PCDHA5: variants seen among roughly 807,000 people sequenced by gnomAD.
PCDHA5 encodes protocadherin alpha 5.
PCDHA5 carries 43 observed loss-of-function variants against 61.6 expected under a neutral mutation model. The ratio of observed to expected loss-of-function variants is 0.70; its 90% CI spans 0.55 to 0.90. The LOEUF is 0.90. Ranked by LOEUF, PCDHA5 falls within the 40% of genes least tolerant of loss-of-function variation. PCDHA5 has a pLI of 0.00. For missense variants in PCDHA5, 1,298 were observed against 1,222.7 expected, an observed-to-expected ratio of 1.06 and a Z score of -0.92; for synonymous variants, 627 against 543.9, an observed-to-expected ratio of 1.15 and a Z score of -2.13.
chr5:140,980,015 G>A (rs1164072132), intron 2 of PCDHA5, among the ~76,000 whole-genome samples: 2 of 152,192 alleles, frequency 1.3e-5, no homozygotes, highest in East Asian at 3.9e-4. Flanking sequence ...CATTACAAAT[G>A]AGCAGAAATC....
At chr5:140,873,336 C>A (rs1436932142) in intron 1 of PCDHA5, among the ~76,000 whole-genome samples, 1 of 152,168 alleles carries the variant, frequency 6.6e-6, no homozygotes, top group African/African-American at 2.4e-5. Flanking sequence ...ATACATTACT[C>A]ATCTCCAGAT....
chr5:140,882,050 T>A, intron 1 of PCDHA5: 1 of 756,750 alleles, frequency 1.3e-6, no homozygotes, highest in African/African-American at 1.8e-5. Flanking sequence ...GAGTCATACT[T>A]ACACTTACAC....
chr5:140,908,416 G>GGAAT (rs1303787034), intron 1 of PCDHA5, among the ~76,000 whole-genome samples: 1 of 152,152 alleles, frequency 6.6e-6, no homozygotes, highest in African/African-American at 2.4e-5. Flanking sequence ...ATTTGATGAT[G>GGAAT]GAATGCTGCT....
At chr5:140,927,748 G>T (rs782605586) in intron 1 of PCDHA5, 3 of 1,614,206 alleles carry the variant, frequency 1.9e-6, no homozygotes, top group Admixed American at 1.7e-5. Flanking sequence ...CCGCTTTCAC[G>T]TGCACCCTAA....
chr5:140,857,296 G>C (rs2044488261), intron 1 of PCDHA5: 3 of 1,598,562 alleles, frequency 1.9e-6, no homozygotes, highest in Admixed American at 3.4e-5. Flanking sequence ...ACCGCGAGAG[G>C]GTGTCGGCCT....
At chr5:140,868,439 G>A (rs2050456620) in intron 1 of PCDHA5, 2 of 152,256 alleles carry the variant, frequency 1.3e-5, no homozygotes, top group South Asian at 4.2e-4. Flanking sequence ...TAGATCATGT[G>A]GAACATAAAC....
intron 1 of PCDHA5, chr5:140,877,038 G>T (rs782221827): frequency 2.5e-6 from 4 of 1,612,418 alleles, no homozygotes; most frequent in East Asian, 2.2e-5. Flanking sequence ...CGCTGCAGCC[G>T]CTAGACCACG....
At chr5:140,882,940 C>T (rs1554176179) in intron 1 of PCDHA5, 2 of 1,614,208 alleles carry the variant, frequency 1.2e-6, no homozygotes, top group Admixed American at 3.3e-5. Flanking sequence ...AGCTGACTGG[C>T]ACAGTTCAGC....
rs2150125920 is a variant in PCDHA5, at chr5:140,823,452, C to G, written c.1677C>G (p.Asp559Glu). 1 of 1,613,440 alleles carries G rather than the reference C, an allele frequency of 6.2e-7. No individual in the cohort carries two copies. The highest frequency in any genetic ancestry group is 1.1e-5 in the South Asian group (1 of 91,052). Reference protein sequence around the residue: ...TLQVFVLDENDNAPALLVPRV... With the variant: ...TLQVFVLDENENAPALLVPRV... Reference sequence around the variant, plus strand: ...AGGTGTTCGTGCTGGACGAGAACGACAACGCGCCGGCGCTGCTGGTGCCTC... The same window carrying G: ...AGGTGTTCGTGCTGGACGAGAACGAGAACGCGCCGGCGCTGCTGGTGCCTC... The change falls in exon 1 of 4, where the codon GAC (aspartate) becomes GAG (glutamate). Residue 559 changes from aspartate to glutamate, a missense_variant. Physicochemically the swap from Asp to Glu is conservative, Grantham distance 45. Coordinates refer to ENST00000529859, the MANE Select transcript of PCDHA5 (RefSeq NM_018908.3).
chr5:140,836,986 C>A, intron 1 of PCDHA5: 1 of 355,800 alleles, frequency 2.8e-6, no homozygotes, highest in East Asian at 4.9e-5. Context: ...TGGAGGAGGA[C>A]TTTGCTAACT....
rs2150362585 is a variant in PCDHA5 at position 140,843,552 on chromosome 5, C to T, written c.2352+19425C>T. On this transcript the variant is annotated intron_variant, in intron 1 of 3. Transcript: ENST00000529859. ...AAGCCCACTCTGGTGTGCTCCAGTG[C>T]GGTGGGGAGCTGGTCATACTCGCAA... 5.0e-6 allele frequency: 8 copies of T among 1,595,800 alleles called. 2 individuals carry two copies. The highest frequency in any genetic ancestry group is 1.1e-5 in the South Asian group (1 of 90,490).
At chr5:140,830,066 C>T in intron 1 of PCDHA5, 1 of 1,613,706 alleles carries the variant, frequency 6.2e-7, no homozygotes, top group African/African-American at 1.3e-5. Flanking sequence ...TGAGCCGGCG[C>T]TGACAGCGAC....
rs2098331172 is a variant in PCDHA5, at chr5:141,007,465, G to A, written c.2501-2162G>A. Among the ~76,000 whole-genome samples, 5 of 151,906 alleles carry A rather than the reference G, an allele frequency of 3.3e-5. No individual in the cohort carries two copies. The South Asian group carries it at 1.0e-3, about 32-fold the overall frequency. ...TGCCTGTAGTCCCAGCTACTCAGGA[G>A]GCTGAGGCACGAGAATTACTTGGAC... On this transcript the variant is annotated intron_variant, in intron 3 of 3. Transcript: ENST00000529859.
In PCDHA5 at chr5:140,883,729, C is replaced by T. The variant is rs572170960; in HGVS notation, c.2352+59602C>T. 8 of 1,613,520 alleles carry T rather than the reference C, an allele frequency of 5.0e-6. No homozygotes were observed. In the African/African-American group the frequency reaches 8.0e-5, roughly 16 times the overall value. ...CTCAGGACGCGGACGCACAGGAGAA[C>T]GCGCTGGTCTCCTACTCGCTGGTGG... On this transcript the variant is annotated intron_variant, in intron 1 of 3. Coordinates refer to ENST00000529859, the MANE Select transcript of PCDHA5 (RefSeq NM_018908.3).
chr5:140,871,328 G>T (rs374687707), intron 1 of PCDHA5: 4 of 1,614,128 alleles, frequency 2.5e-6, no homozygotes, highest in African/African-American at 1.3e-5. Context: ...GTGTGCTCCC[G>T]CGCGGTGGGG....
intron 3 of PCDHA5, among the ~76,000 whole-genome samples, chr5:140,991,204 A>C (rs1416431011): frequency 6.6e-6 from 1 of 152,198 alleles, no homozygotes; most frequent in East Asian, 1.9e-4. Flanking sequence ...ATGCTCAATA[A>C]ATTTTGTTAA....
At position 140,910,974 on chromosome 5, in the gene PCDHA5, T is replaced by G. The variant is rs114099897; in HGVS notation, c.2353-67975T>G. Among the ~76,000 whole-genome samples the G allele has an allele frequency of 8.0e-3, 1,211 of 152,160 alleles. 6 individuals carry two copies. The highest frequency in any genetic ancestry group is 0.019 in the African/African-American group (781 of 41,520). On this transcript the variant is annotated intron_variant, in intron 1 of 3. Coordinates refer to ENST00000529859, the MANE Select transcript of PCDHA5 (RefSeq NM_018908.3). ...CGAGTGTAGCACACCTCCTCATGGG[T>G]TATACTCTGAACCTCACCCCTAGGG...
At chr5:140,879,141 G>C (rs1413837977) in intron 1 of PCDHA5, among the ~76,000 whole-genome samples, 2 of 152,192 alleles carry the variant, frequency 1.3e-5, no homozygotes, top group Non-Finnish European at 2.9e-5. Context: ...GATTGTGAAG[G>C]CAGGAAAGCT....
At position 140,843,028 on chromosome 5, in the gene PCDHA5, G is replaced by A. The variant is rs2150350487; in HGVS notation, c.2352+18901G>A. 21 of 1,595,152 alleles carry A rather than the reference G, an allele frequency of 1.3e-5. 1 individual carries two copies. Among genetic ancestry groups the A allele is most frequent in the Non-Finnish European group, 1.7e-5 (20 of 1,165,462 alleles). ...ACGCGCCGGCACTGCTGGAGCCTCG[G>A]GTGGGTGGCACTGGTGGCGCAGCGA... On this transcript the variant is annotated intron_variant, in intron 1 of 3. Transcript: ENST00000529859.
Sources: gnomAD v4.1 joint callset for allele counts (sites outside exome capture counted in the v4.1 genomes callset) on GRCh38, gnomAD v4.1.1 for gene constraint, MANE v1.5 for transcripts, NCBI Gene and HGNC (gene_info 2026-07-23, HGNC 2026-07-21) for gene names.